Variants in MTCL2 observed in about 807,000 individuals in gnomAD.
MTCL2 encodes microtubule cross-linking factor 2.
the MTCL2 span, chr20:36,794,248 G>A: frequency 3.0e-5 from 47 of 1,549,886 alleles, no homozygotes; most frequent in East Asian, 7.3e-4. This position sits in a 1 kb window ranked among gnomAD's most constrained non-coding sequence, Gnocchi z 5.4. Context: ...AGAGGAAGCC[G>A]GGCTCGATAA....
chr20:36,794,657 T>A, the MTCL2 span: 4 of 1,609,566 alleles, frequency 2.5e-6, no homozygotes, highest in Non-Finnish European at 3.4e-6. This position sits in a 1 kb window ranked among gnomAD's most constrained non-coding sequence, Gnocchi z 5.4. Flanking sequence ...GAGGGCACAC[T>A]CTGGTCTACC....
At chr20:36,862,817 C>G in the MTCL2 span, 2 of 1,357,502 alleles carry the variant, frequency 1.5e-6, no homozygotes, top group South Asian at 3.6e-5. Context: ...ACGGCTCGTC[C>G]GGGGAGGCGG....
chr20:36,824,484 G>A, the MTCL2 span, among the ~76,000 whole-genome samples: 1 of 151,974 alleles, frequency 6.6e-6, no homozygotes, highest in Non-Finnish European at 1.5e-5. Context: ...GCGGATGAGT[G>A]GTTGCTGGGG....
chr20:36,817,055 C>T, the MTCL2 span, among the ~76,000 whole-genome samples: 1 of 151,874 alleles, frequency 6.6e-6, no homozygotes, highest in Non-Finnish European at 1.5e-5. Flanking sequence ...TTGCTTGAGG[C>T]CAGGAGTTCA....
chr20:36,792,875 G>A, the MTCL2 span, among the ~76,000 whole-genome samples: 7 of 151,644 alleles, frequency 4.6e-5, no homozygotes, highest in Non-Finnish European at 1.0e-4. Flanking sequence ...CAGACAGACA[G>A]ACAGACAGAC....
At chr20:36,786,689 G>A in the MTCL2 span, 3 of 1,486,624 alleles carry the variant, frequency 2.0e-6, no homozygotes, top group Non-Finnish European at 2.7e-6. Context: ...CAGGAGACAT[G>A]GACCACCATG....
chr20:36,814,611 G>T, the MTCL2 span, among the ~76,000 whole-genome samples: 1 of 151,938 alleles, frequency 6.6e-6, no homozygotes, highest in Non-Finnish European at 1.5e-5. Context: ...TTATGGCCAG[G>T]CACAGTGGCT....
chr20:36,789,388 G>A, the MTCL2 span, among the ~76,000 whole-genome samples: 1 of 152,176 alleles, frequency 6.6e-6, no homozygotes, highest in African/African-American at 2.4e-5. Flanking sequence ...TCAGCCAGGC[G>A]CAGTGGCTCA....
chr20:36,791,036 A>AT, the MTCL2 span, among the ~76,000 whole-genome samples: 2,875 of 147,858 alleles, frequency 0.019, 94 homozygotes, highest in African/African-American at 0.065. Flanking sequence ...AAACATTTAT[A>AT]TTTTTTTTTT....
At chr20:36,827,622 G>A in the MTCL2 span, among the ~76,000 whole-genome samples, 695 of 152,154 alleles carry the variant, frequency 4.6e-3, 2 homozygotes, top group African/African-American at 0.016. Context: ...GTGAGCCACC[G>A]TGCAGGCTTT....
chr20:36,839,490 G>A, the MTCL2 span: 11 of 1,569,490 alleles, frequency 7.0e-6, no homozygotes, highest in African/African-American at 1.5e-4. This position sits in a 1 kb window ranked among gnomAD's most constrained non-coding sequence, Gnocchi z 5.1. Flanking sequence ...GTAGCAGCTA[G>A]GAGGCCGGAG....
chr20:36,802,590 A>G, the MTCL2 span, among the ~76,000 whole-genome samples: 31 of 152,278 alleles, frequency 2.0e-4, no homozygotes, highest in African/African-American at 6.3e-4. Context: ...TGAAACTAAC[A>G]GTGGCCATAT....
chr20:36,828,116 T>A, the MTCL2 span, among the ~76,000 whole-genome samples: 1 of 152,194 alleles, frequency 6.6e-6, no homozygotes, highest in Non-Finnish European at 1.5e-5. Flanking sequence ...GCGAGGAGTG[T>A]GCCCTAGAAG....
chr20:36,830,337 AG>A, the MTCL2 span, among the ~76,000 whole-genome samples: 1 of 152,152 alleles, frequency 6.6e-6, no homozygotes, highest in Non-Finnish European at 1.5e-5. Flanking sequence ...AGGCCGAGGC[AG>A]GGGGATCGCT....
the MTCL2 span, chr20:36,808,371 A>G: frequency 2.9e-6 from 2 of 678,358 alleles, no homozygotes; most frequent in South Asian, 2.0e-5. Context: ...AAAAAAAAAA[A>G]GCAACGAATG....
the MTCL2 span, among the ~76,000 whole-genome samples, chr20:36,846,666 C>T: frequency 2.6e-5 from 4 of 152,196 alleles, no homozygotes; most frequent in South Asian, 2.1e-4. Context: ...TCCCTACTCC[C>T]GCCTTACCCC....
the MTCL2 span, among the ~76,000 whole-genome samples, chr20:36,810,985 G>C: frequency 6.6e-6 from 1 of 152,072 alleles, no homozygotes; most frequent in African/African-American, 2.4e-5. Context: ...GCCTCCCAAA[G>C]TGCTGAAATT....
the MTCL2 span, among the ~76,000 whole-genome samples, chr20:36,835,983 G>C: frequency 6.6e-6 from 1 of 151,880 alleles, no homozygotes; most frequent in Non-Finnish European, 1.5e-5. Context: ...GTCCCTCCCA[G>C]AAATCCTCCA....
chr20:36,826,375 C>T, the MTCL2 span, among the ~76,000 whole-genome samples: 2 of 78,126 alleles, frequency 2.6e-5, no homozygotes, highest in Non-Finnish European at 4.9e-5. Flanking sequence ...CCCCCTCCCT[C>T]TCCTTCTCCC....
Sources: gnomAD v4.1 joint callset for allele counts (sites outside exome capture counted in the v4.1 genomes callset) on GRCh38, gnomAD v4.1.1 for gene constraint, Gnocchi (gnomAD v3.1) non-coding constraint, MANE v1.5 for transcripts, NCBI Gene and HGNC (gene_info 2026-07-23, HGNC 2026-07-21) for gene names.